KAZN: variants seen among roughly 807,000 people sequenced by gnomAD.
The protein encoded by KAZN is kazrin.
KAZN carries 40 observed loss-of-function variants against 87.4 expected under a neutral mutation model. That is an observed-to-expected ratio of 0.46 (90% confidence interval 0.36 to 0.60). KAZN has a LOEUF of 0.60. Ranked by LOEUF, KAZN falls within the 20% of genes least tolerant of loss-of-function variation. The probability of loss-of-function intolerance (pLI) is 0.00; values close to 1 mark genes in which losing one functional copy is unlikely to be tolerated. For synonymous variants in KAZN, 466 were observed against 458.3 expected (o/e 1.02, Z -0.22); for missense variants, 898 against 1,073.9 (o/e 0.84, Z 2.29).
intron 1 of KAZN, among the ~76,000 whole-genome samples, chr1:14,051,413 T>A (rs1276662398): frequency 8.5e-5 from 13 of 152,122 alleles, no homozygotes; most frequent in African/African-American, 1.9e-4. Flanking sequence ...TCTTTATTTT[T>A]AATTCTTGTT....
intron 1 of KAZN, among the ~76,000 whole-genome samples, chr1:14,609,712 C>G (rs1275707312): frequency 6.6e-6 from 1 of 152,198 alleles, no homozygotes; most frequent in Non-Finnish European, 1.5e-5. Flanking sequence ...CATCTCTTTG[C>G]AGAATCCAAA....
At chr1:14,754,916 T>C (rs1367167787) in intron 1 of KAZN, among the ~76,000 whole-genome samples, 2 of 151,804 alleles carry the variant, frequency 1.3e-5, no homozygotes, top group Non-Finnish European at 2.9e-5. Flanking sequence ...AACAAAGACA[T>C]GGATTTTCCG....
intron 1 of KAZN, among the ~76,000 whole-genome samples, chr1:14,070,306 C>T (rs1643201034): frequency 6.6e-6 from 1 of 151,886 alleles, no homozygotes; most frequent in Non-Finnish European, 1.5e-5. Context: ...AAACCACCTT[C>T]TTATTTATTG....
intron 2 of KAZN, among the ~76,000 whole-genome samples, chr1:14,228,456 A>C (rs1178926783): frequency 6.6e-6 from 1 of 152,104 alleles, no homozygotes; most frequent in African/African-American, 2.4e-5. Flanking sequence ...ACCTCACCTA[A>C]TTGTCTTTGG....
intron 2 of KAZN, among the ~76,000 whole-genome samples, chr1:14,397,929 C>T (rs1299973451): frequency 4.0e-5 from 6 of 151,142 alleles, no homozygotes; most frequent in Admixed American, 6.6e-5. Flanking sequence ...TTCACGAGTC[C>T]TTGCCTGATT....
chr1:14,749,232 C>T (rs781314495), intron 1 of KAZN, among the ~76,000 whole-genome samples: 4 of 151,338 alleles, frequency 2.6e-5, no homozygotes, highest in Non-Finnish European at 5.9e-5. Context: ...CTATGGGCAG[C>T]AACTAGCAAT....
chr1:14,365,366 GGT>G lies in KAZN; in HGVS notation c.249+184776_249+184777del, dbSNP rs1490613442. Reference sequence around the variant, plus strand: ...CCCGGCGCCCACCCCCTCCCCCCGGGGTGGGGGGGGGGGGGGTCTTTCAAGGT... The same window carrying G: ...CCCGGCGCCCACCCCCTCCCCCCGGGGGGGGGGGGGGGGGTCTTTCAAGGT... On this transcript the variant is annotated intron_variant, in intron 2 of 16. Coordinates refer to the KAZN transcript ENST00000636203. Among the ~76,000 whole-genome samples, 105 of 26,070 alleles carry G rather than the reference GGT, an allele frequency of 4.0e-3. 3 individuals carry two copies. The highest frequency in any genetic ancestry group is 5.2e-3 in the African/African-American group (44 of 8,482). 17.1% of individuals were successfully genotyped at this position (26,070 alleles called of 152,430 possible).
chr1:14,471,480 C>G (rs1276933043), intron 2 of KAZN, among the ~76,000 whole-genome samples: 1 of 152,122 alleles, frequency 6.6e-6, no homozygotes, highest in Non-Finnish European at 1.5e-5. Flanking sequence ...TTGGCTTTTG[C>G]TCTGATTGAG....
chr1:14,050,549 T>G (rs1319175729), intron 1 of KAZN, among the ~76,000 whole-genome samples: 1 of 152,120 alleles, frequency 6.6e-6, no homozygotes, highest in Non-Finnish European at 1.5e-5. Flanking sequence ...TACAAACCCA[T>G]CAGATCTCCT....
chr1:14,035,611 A>AGGCATGAAT (rs1641520428), intron 1 of KAZN, among the ~76,000 whole-genome samples: 1 of 150,216 alleles, frequency 6.7e-6, no homozygotes, highest in Non-Finnish European at 1.5e-5. Context: ...CTGGGACTAC[A>AGGCATGAAT]GGCATGAGTC....
intron 1 of KAZN, among the ~76,000 whole-genome samples, chr1:14,628,653 C>T (rs2148654961): frequency 6.6e-6 from 1 of 152,282 alleles, no homozygotes; most frequent in South Asian, 2.1e-4. Context: ...TTTTCACAAA[C>T]CTGAATGATT....
chr1:14,444,464 C>T (rs749220825), intron 2 of KAZN, among the ~76,000 whole-genome samples: 15 of 152,186 alleles, frequency 9.9e-5, no homozygotes, highest in Non-Finnish European at 1.9e-4. Context: ...AGGTTTGAGC[C>T]ACCTTGCCCG....
chr1:14,692,047 T>TA (rs34394371), intron 1 of KAZN: 772 of 225,470 alleles, frequency 3.4e-3, no homozygotes, highest in Middle Eastern at 9.3e-3. Flanking sequence ...ACAGTAGTGG[T>TA]AAAAAAAAAA....
At chr1:14,107,927 C>A (rs1452022463) in intron 1 of KAZN, among the ~76,000 whole-genome samples, 1 of 152,142 alleles carries the variant, frequency 6.6e-6, no homozygotes, top group Non-Finnish European at 1.5e-5. Flanking sequence ...ACCGGTAATT[C>A]CTCTGTGATT....
chr1:14,983,848 A>G (rs914584997), intron 2 of KAZN, among the ~76,000 whole-genome samples: 4 of 152,174 alleles, frequency 2.6e-5, no homozygotes, highest in South Asian at 2.1e-4. Context: ...AGGCTGAGGC[A>G]GGAGAATCTC....
intron 1 of KAZN, among the ~76,000 whole-genome samples, chr1:14,907,779 A>T (rs1261555655): frequency 6.6e-6 from 1 of 152,042 alleles, no homozygotes; most frequent in East Asian, 1.9e-4. Context: ...ATGATGGGGG[A>T]TGGCAATTGG....
intron 2 of KAZN, among the ~76,000 whole-genome samples, chr1:14,493,464 T>C (rs1013540795): frequency 1.3e-5 from 2 of 152,042 alleles, no homozygotes; most frequent in African/African-American, 4.8e-5. Context: ...TGTATCTCAT[T>C]CCACCTCCTT....
intron 2 of KAZN, among the ~76,000 whole-genome samples, chr1:14,549,536 G>A (rs4385705): frequency 0.44 from 66,751 of 151,594 alleles, 15,072 homozygotes; most frequent in Middle Eastern, 0.56. Flanking sequence ...TCATCCTGAG[G>A]TTTCCAGGAC....
At chr1:15,026,154 C>T (rs1227780764) in intron 2 of KAZN, among the ~76,000 whole-genome samples, 1 of 152,130 alleles carries the variant, frequency 6.6e-6, no homozygotes, top group Non-Finnish European at 1.5e-5. Context: ...TACTTGGAAA[C>T]CTGCCTATTG....
Sources: gnomAD v4.1 joint callset for allele counts (sites outside exome capture counted in the v4.1 genomes callset) on GRCh38, gnomAD v4.1.1 for gene constraint, MANE v1.5 for transcripts, NCBI Gene and HGNC (gene_info 2026-07-23, HGNC 2026-07-21) for gene names.